Variants in CCDC126 observed in about 807,000 individuals in gnomAD.
CCDC126 encodes the protein coiled-coil domain-containing protein 126.
In CCDC126, 5 loss-of-function variants were observed where a neutral mutation model predicts 11.7. That is an observed-to-expected ratio of 0.43 (90% confidence interval 0.22 to 0.90). The LOEUF (loss-of-function observed/expected upper bound fraction) is 0.90. Ranked by LOEUF, CCDC126 falls within the 40% of genes least tolerant of loss-of-function variation. CCDC126 has a pLI of 0.27. For synonymous variants in CCDC126, 60 were observed against 61.9 expected, an observed-to-expected ratio of 0.97 and a Z score of 0.14; for missense variants, 150 against 163.1, an observed-to-expected ratio of 0.92 and a Z score of 0.44.
intron 3 of CCDC126, among the ~76,000 whole-genome samples, chr7:23,636,966 G>A (rs368184226): frequency 0.15 from 7,569 of 51,782 alleles, 678 homozygotes; most frequent in South Asian, 0.29. Context: ...CTGCCCGGCC[G>A]CCCCTACTGG....
intron 3 of CCDC126, among the ~76,000 whole-genome samples, chr7:23,632,235 A>G (rs1469407965): frequency 6.6e-6 from 1 of 152,006 alleles, no homozygotes; most frequent in Non-Finnish European, 1.5e-5. Flanking sequence ...CTTGGATTAC[A>G]AGGTGCCTGC....
chr7:23,613,233 C>A (rs1055450198), intron 3 of CCDC126, among the ~76,000 whole-genome samples: 3 of 152,026 alleles, frequency 2.0e-5, no homozygotes, highest in African/African-American at 4.8e-5. Flanking sequence ...ACTGCTTGAG[C>A]CTGGGAGGTT....
At chr7:23,617,525 A>C (rs1782816618) in intron 3 of CCDC126, among the ~76,000 whole-genome samples, 1 of 152,080 alleles carries the variant, frequency 6.6e-6, no homozygotes, top group Non-Finnish European at 1.5e-5. Flanking sequence ...GTTGATGGCA[A>C]ATGCTGAGCT....
At chr7:23,639,727 T>C (rs1294442844) in intron 3 of CCDC126, among the ~76,000 whole-genome samples, 1 of 152,140 alleles carries the variant, frequency 6.6e-6, no homozygotes, top group East Asian at 1.9e-4. Context: ...CTCCAAATAG[T>C]TTCCTCCTCA....
At chr7:23,617,136 T>C (rs945678428) in intron 3 of CCDC126, among the ~76,000 whole-genome samples, 2 of 151,658 alleles carry the variant, frequency 1.3e-5, no homozygotes. Flanking sequence ...TCACTTGACG[T>C]TAGGAGTTCG....
chr7:23,614,741 G>T (rs1379572261), intron 3 of CCDC126, among the ~76,000 whole-genome samples: 1 of 152,222 alleles, frequency 6.6e-6, no homozygotes, highest in Non-Finnish European at 1.5e-5. Context: ...CTTCAGAGCT[G>T]TTGGGTGACT....
At chr7:23,606,044 A>G (rs1782617850) in intron 2 of CCDC126, among the ~76,000 whole-genome samples, 1 of 151,308 alleles carries the variant, frequency 6.6e-6, no homozygotes, top group Non-Finnish European at 1.5e-5. Flanking sequence ...GGTATTTCAT[A>G]GTGGTTTTAT....
At chr7:23,598,672 A>G (rs1199393102) in intron 2 of CCDC126, among the ~76,000 whole-genome samples, 1 of 152,174 alleles carries the variant, frequency 6.6e-6, no homozygotes, top group Admixed American at 6.5e-5. Flanking sequence ...TTTTTTCTAC[A>G]TCTGTCTGCA....
At chr7:23,601,472 G>A (rs1017261010) in intron 2 of CCDC126, among the ~76,000 whole-genome samples, 12 of 152,108 alleles carry the variant, frequency 7.9e-5, no homozygotes, top group African/African-American at 2.4e-4. Context: ...TAGTGTGTAC[G>A]GTCTACTCTG....
chr7:23,637,460 G>T (rs1584218778), intron 3 of CCDC126, among the ~76,000 whole-genome samples: 1 of 89,994 alleles, frequency 1.1e-5, no homozygotes, highest in African/African-American at 4.3e-5. Context: ...CCGGCCAGCC[G>T]CCCCATCCGG....
chr7:23,602,120 G>A (rs1380159451), intron 2 of CCDC126: 2 of 152,192 alleles, frequency 1.3e-5, no homozygotes, highest in African/African-American at 2.4e-5. Flanking sequence ...TGTTTGTCAA[G>A]TAGCATAATG....
intron 2 of CCDC126, among the ~76,000 whole-genome samples, chr7:23,602,678 T>G (rs899263012): frequency 1.3e-5 from 2 of 152,216 alleles, no homozygotes; most frequent in Non-Finnish European, 2.9e-5. Flanking sequence ...AAAGGTTTTG[T>G]TGGAAGGAAA....
Position 23,644,687 on chromosome 7 carries a change from T to C in CCDC126, c.*1572T>C, listed in dbSNP as rs1376491896. The C allele has an allele frequency of 2.0e-5, 3 of 152,470 alleles. No individual in the cohort carries two copies. Among genetic ancestry groups the C allele is most frequent in the Non-Finnish European group, 4.4e-5 (3 of 67,990 alleles). The allele number at this position is 152,470 out of a possible 1,614,324, so 9.4% of individuals were successfully genotyped here. A position where few individuals can be genotyped will look rare whatever the true frequency, so the allele number is the denominator to read the frequency against. The stretch of plus-strand genomic sequence containing the variant: ...TTTGTTTTTGTTTTCAGGGATGAAA[T>C]AAAATATATTATTTCTACCTACAAA... On this transcript the variant is annotated 3_prime_UTR_variant, in exon 4 of 4. Coordinates refer to ENST00000307471, the MANE Select transcript of CCDC126 (RefSeq NM_138771.4).
At chr7:23,606,431 C>T (rs1014418125) in intron 2 of CCDC126, among the ~76,000 whole-genome samples, 6 of 152,002 alleles carry the variant, frequency 3.9e-5, no homozygotes, top group African/African-American at 1.2e-4. Context: ...AAAATGTCTT[C>T]GAATTATGAG....
chr7:23,613,630 CCTT>C, intron 3 of CCDC126, among the ~76,000 whole-genome samples: 1 of 152,276 alleles, frequency 6.6e-6, no homozygotes, highest in Admixed American at 6.5e-5. Context: ...ACATCCATAT[CCTT>C]CTTATCCTTT....
intron 3 of CCDC126, among the ~76,000 whole-genome samples, chr7:23,620,091 A>G (rs1163175211): frequency 6.6e-6 from 1 of 152,228 alleles, no homozygotes; most frequent in Non-Finnish European, 1.5e-5. Context: ...CTTTGGGTAC[A>G]TACCCAGTAA....
At chr7:23,638,188 C>T (rs1274056208) in intron 3 of CCDC126, among the ~76,000 whole-genome samples, 2 of 151,920 alleles carry the variant, frequency 1.3e-5, no homozygotes, top group Non-Finnish European at 2.9e-5. Context: ...AGCCCCTCTG[C>T]CCGGCCACGA....
intron 3 of CCDC126, among the ~76,000 whole-genome samples, chr7:23,638,409 A>C (rs1783283727): frequency 1.2e-5 from 1 of 83,022 alleles, no homozygotes; most frequent in East Asian, 2.8e-4. Flanking sequence ...TTGATCTGTG[A>C]CCTTATCTCC....
intron 2 of CCDC126, among the ~76,000 whole-genome samples, chr7:23,606,315 C>T (rs1405769370): frequency 6.6e-5 from 10 of 152,124 alleles, no homozygotes; most frequent in Admixed American, 6.6e-4. Flanking sequence ...GCCTTGGCCT[C>T]CCAAAGTGCT....
Sources: gnomAD v4.1 joint callset for allele counts (sites outside exome capture counted in the v4.1 genomes callset) on GRCh38, gnomAD v4.1.1 for gene constraint, MANE v1.5 for transcripts, NCBI Gene and HGNC (gene_info 2026-07-23, HGNC 2026-07-21) for gene names.